Variants in XPO7 observed in about 807,000 individuals in gnomAD.
XPO7 encodes exportin-7.
In XPO7, 21 loss-of-function variants were observed where a neutral mutation model predicts 144.3. The observed-to-expected ratio is 0.15, with a 90% CI of 0.10 to 0.21. XPO7 has a LOEUF of 0.21. Ranked by LOEUF, XPO7 falls within the 10% of genes least tolerant of loss-of-function variation. The pLI, the probability that XPO7 is intolerant of heterozygous loss-of-function variation, is 1.00. For missense variants in XPO7, 808 were observed against 1,325.8 expected (o/e 0.61, Z 6.06); for synonymous variants, 580 against 499.6 (o/e 1.16, Z -2.15).
chr8:21,940,571 G>A (rs957739382), intron 1 of XPO7, among the ~76,000 whole-genome samples: 7 of 151,602 alleles, frequency 4.6e-5, no homozygotes, highest in Non-Finnish European at 8.8e-5. Context: ...CTGTGTTCAA[G>A]CAATTATCCT....
chr8:21,992,144 A>G (rs1257569371), intron 19 of XPO7, among the ~76,000 whole-genome samples, 170 bp downstream of exon 19: 2 of 152,120 alleles, frequency 1.3e-5, no homozygotes, highest in South Asian at 2.1e-4. Context: ...TTCTGTTTTT[A>G]TATTACAATG....
chr8:22,003,182 T>G, intron 25 of XPO7, 37 bp from the exon 26 acceptor site: 1 of 1,534,896 alleles, frequency 6.5e-7, no homozygotes, highest in Non-Finnish European at 8.9e-7. Context: ...TAGCAATACA[T>G]TAGGTCACTG....
At chr8:21,935,852 C>G (rs941007885) in intron 1 of XPO7, among the ~76,000 whole-genome samples, 4 of 151,794 alleles carry the variant, frequency 2.6e-5, no homozygotes, top group Non-Finnish European at 4.4e-5. Context: ...CTCTCTCAAT[C>G]TCTCTCTCTC....
In XPO7 at chr8:21,982,896, G is replaced by A. The variant is rs1554518520; in HGVS notation, c.1277+84G>A. The A allele has an allele frequency of 2.7e-6, 4 of 1,474,258 alleles. No homozygotes were observed. The South Asian group carries it at 5.6e-5, about 21-fold the overall frequency. The allele number at this position is 1,474,258 out of a possible 1,614,324, so 91.3% of individuals were successfully genotyped here. On this transcript the variant is annotated intron_variant, in intron 11 of 27. Transcript: ENST00000252512. ...AGATCAGACACCCCATTGGCAAAGA[G>A]GTACTCGAAGCGTGTCTCATTGGAG...
At chr8:21,977,534 G>A (rs977578904) in intron 7 of XPO7, among the ~76,000 whole-genome samples, 3 of 152,144 alleles carry the variant, frequency 2.0e-5, no homozygotes, top group African/African-American at 4.8e-5. Flanking sequence ...GCAGTGAGCC[G>A]AGATCTCGCC....
chr8:21,961,198 CA>C (rs1365121598), intron 1 of XPO7, among the ~76,000 whole-genome samples: 2 of 150,212 alleles, frequency 1.3e-5, no homozygotes, highest in Non-Finnish European at 3.0e-5. Context: ...AGCTGGGTCA[CA>C]GGGTGTTTTT....
intron 1 of XPO7, among the ~76,000 whole-genome samples, chr8:21,945,233 G>T (rs769667178): frequency 9.9e-5 from 15 of 152,222 alleles, no homozygotes; most frequent in Non-Finnish European, 2.2e-4. Context: ...CCGGGCGGGG[G>T]CTGCCCCCCA....
At chr8:21,938,897 C>G (rs1484369205) in intron 1 of XPO7, among the ~76,000 whole-genome samples, 2 of 151,946 alleles carry the variant, frequency 1.3e-5, no homozygotes, top group African/African-American at 4.8e-5. Flanking sequence ...GAATGAGGAG[C>G]CTGGGCATTT....
In XPO7 at chr8:21,971,144, GT is replaced by G. The variant is rs577761271; in HGVS notation, c.427-729del. Among the ~76,000 whole-genome samples the G allele has an allele frequency of 5.3e-5, 8 of 152,324 alleles. No homozygotes were observed. The East Asian group carries it at 1.5e-3, about 29-fold the overall frequency. ...CACAGTATAGTCACGTGGTGTACAA[GT>G]TTGTGCCTAGGAACAATAGCCTGTA... On this transcript the variant is annotated intron_variant, in intron 4 of 27. Transcript: ENST00000252512.
intron 5 of XPO7, among the ~76,000 whole-genome samples, chr8:21,972,536 C>T (rs1812100551): frequency 6.6e-6 from 1 of 152,152 alleles, no homozygotes; most frequent in African/African-American, 2.4e-5. Flanking sequence ...AAAAAGAGAC[C>T]ATAAAGGTCG....
chr8:21,973,514 T>C (rs1269369404), intron 5 of XPO7, among the ~76,000 whole-genome samples: 1 of 152,238 alleles, frequency 6.6e-6, no homozygotes, highest in African/African-American at 2.4e-5. Context: ...ATTTGAATTT[T>C]CCATTGTTTT....
At chr8:21,957,261 T>C (rs1585439601) in intron 1 of XPO7, among the ~76,000 whole-genome samples, 1 of 152,310 alleles carries the variant, frequency 6.6e-6, no homozygotes, top group Non-Finnish European at 1.5e-5. Context: ...ACTGGCTTGG[T>C]GTCTCTCAGT....
At chr8:21,985,127 C>T (rs1239000152) in intron 12 of XPO7, among the ~76,000 whole-genome samples, 3 of 152,180 alleles carry the variant, frequency 2.0e-5, no homozygotes, top group Non-Finnish European at 2.9e-5. Flanking sequence ...CTCAGCCTCC[C>T]GAAGTAGCTG....
At chr8:21,948,413 G>T (rs1811261700) in intron 1 of XPO7, among the ~76,000 whole-genome samples, 1 of 152,154 alleles carries the variant, frequency 6.6e-6, no homozygotes, top group Admixed American at 6.5e-5. Context: ...AGGAGCAGTA[G>T]GCTATACCAT....
chr8:21,960,644 T>C (rs1017908905), intron 1 of XPO7, among the ~76,000 whole-genome samples: 3 of 152,256 alleles, frequency 2.0e-5, no homozygotes, highest in African/African-American at 7.2e-5. Flanking sequence ...CACGCCAGGC[T>C]CTGGCATAGC....
At chr8:21,994,087 G>A (rs1043211709) in intron 19 of XPO7, among the ~76,000 whole-genome samples, 1 of 151,928 alleles carries the variant, frequency 6.6e-6, no homozygotes, top group Non-Finnish European at 1.5e-5. Context: ...TACGAACCAG[G>A]AACGTATTTT....
chr8:21,920,322 C>T (rs1455801969), intron 1 of XPO7, among the ~76,000 whole-genome samples: 2 of 152,200 alleles, frequency 1.3e-5, no homozygotes, highest in Non-Finnish European at 2.9e-5. Flanking sequence ...CTCCTTCCCC[C>T]TCCCACGGAT....
At chr8:21,985,762 C>T (rs759055344) in intron 13 of XPO7, 71 bp downstream of exon 13, 16 of 1,344,520 alleles carry the variant, frequency 1.2e-5, no homozygotes, top group Non-Finnish European at 1.6e-5. Context: ...AGGGTCCTCT[C>T]CACTTACAGA....
At chr8:21,983,773 G>A (rs1812479987) in intron 11 of XPO7, among the ~76,000 whole-genome samples, 3 of 152,200 alleles carry the variant, frequency 2.0e-5, no homozygotes, top group African/African-American at 7.2e-5. Context: ...GCCTCATAAG[G>A]TTCTTACAAG....
Sources: gnomAD v4.1 joint callset for allele counts (sites outside exome capture counted in the v4.1 genomes callset) on GRCh38, gnomAD v4.1.1 for gene constraint, MANE v1.5 for transcripts, NCBI Gene and HGNC (gene_info 2026-07-23, HGNC 2026-07-21) for gene names.